Variants in CACNA2D2 observed in about 807,000 individuals in gnomAD.
The protein encoded by CACNA2D2 is calcium voltage-gated channel auxiliary subunit alpha2delta 2, also known as voltage-dependent calcium channel subunit alpha-2/delta-2.
A neutral mutation model predicts 166.4 loss-of-function variants in CACNA2D2; 48 were observed. That is an observed-to-expected ratio of 0.29 (90% confidence interval 0.23 to 0.37). The LOEUF (loss-of-function observed/expected upper bound fraction) is 0.37. CACNA2D2 is among the 10% of genes least tolerant of loss of function. The probability of loss-of-function intolerance (pLI) is 1.00; values close to 1 mark genes in which losing one functional copy is unlikely to be tolerated. For synonymous variants in CACNA2D2, 561 were observed against 573.7 expected (o/e 0.98, Z 0.32); for missense variants, 1,122 against 1,433.0 (o/e 0.78, Z 3.50).
At chr3:50,430,663 G>A (rs1426252240) in intron 3 of CACNA2D2, among the ~76,000 whole-genome samples, 1 of 152,146 alleles carries the variant, frequency 6.6e-6, no homozygotes, top group Non-Finnish European at 1.5e-5. Context: ...TGAGGGGGTG[G>A]TCTTCCTGAG....
At chr3:50,440,423 C>A (rs1708534030) in intron 2 of CACNA2D2, among the ~76,000 whole-genome samples, 3 of 152,276 alleles carry the variant, frequency 2.0e-5, no homozygotes, top group East Asian at 1.9e-4. Flanking sequence ...TGCCACCATC[C>A]CAGGCGGGGT....
rs1047911489 is a variant in CACNA2D2 at position 50,363,073 on chromosome 3, G to A, written c.*1593C>T. ...CCAGCTGGGGGTTAGACAGCTACCT[G>A]ATGGGGATTGTTTTGTCTGTTTTTC... On this transcript the variant is annotated 3_prime_UTR_variant, in exon 38 of 38. Transcript: ENST00000424201. The A allele has an allele frequency of 5.0e-6, 2 of 398,644 alleles. No individual in the cohort carries two copies. The highest frequency in any genetic ancestry group is 8.8e-6 in the Non-Finnish European group (2 of 226,052). The allele number at this position is 398,644 out of a possible 1,614,324, so 24.7% of individuals were successfully genotyped here.
At position 50,365,052 on chromosome 3, in the gene CACNA2D2, C is replaced by A; in HGVS notation, c.3208+23G>T. ...CGCGGGGCAGAGGGGGAGCGGGCGG[C>A]GGGGAGGGCGGGGGCAGGATACAGT... On this transcript the variant is annotated intron_variant, in intron 36 of 37. Coordinates refer to ENST00000424201, the MANE Select transcript of CACNA2D2 (RefSeq NM_006030.4). The surrounding 1 kb of genome is among the most constrained non-coding windows in gnomAD (Gnocchi z 4.5). 1.0e-6 allele frequency: 1 copy of A among 1,001,776 alleles called. No homozygotes were observed. Among genetic ancestry groups the A allele is most frequent in the Non-Finnish European group, 1.4e-6 (1 of 713,836 alleles). 62.1% of individuals were successfully genotyped at this position (1,001,776 alleles called of 1,614,324 possible). A position where few individuals can be genotyped will look rare whatever the true frequency, so the allele number is the denominator to read the frequency against.
chr3:50,389,116 C>T (rs767453534), intron 4 of CACNA2D2, among the ~76,000 whole-genome samples: 3 of 152,232 alleles, frequency 2.0e-5, no homozygotes, highest in Non-Finnish European at 2.9e-5. Context: ...ACACCCACCA[C>T]CCACCCACCA....
chr3:50,417,391 C>A (rs887596275), intron 3 of CACNA2D2, among the ~76,000 whole-genome samples: 1 of 152,238 alleles, frequency 6.6e-6, no homozygotes, highest in Non-Finnish European at 1.5e-5. Context: ...GCAGGCCCTG[C>A]AACCCTTGCT....
In CACNA2D2 at chr3:50,364,347, C is replaced by T. The variant is rs1267557997; in HGVS notation, c.*319G>A. The T allele has an allele frequency of 2.9e-6, 1 of 350,264 alleles. No homozygotes were observed. The highest frequency in any genetic ancestry group is 5.2e-6 in the Non-Finnish European group (1 of 193,322). 21.7% of individuals were successfully genotyped at this position (350,264 alleles called of 1,614,324 possible). On this transcript the variant is annotated 3_prime_UTR_variant, in exon 38 of 38. Transcript: ENST00000424201. ...CAACATAGGCAGCCTCCAGGAAGGG[C>T]GGCAGCAGAGGCCTGGTTTTGGCAC...
At chr3:50,372,198 A>G (rs587605044) in intron 22 of CACNA2D2, among the ~76,000 whole-genome samples, 1 of 152,298 alleles carries the variant, frequency 6.6e-6, no homozygotes, top group South Asian at 2.1e-4. Context: ...TCCTTGGCTT[A>G]GGCACCCCAG....
chr3:50,471,086 G>A lies in CACNA2D2; in HGVS notation c.288+5032C>T, dbSNP rs1048316860. ...TCCCCACTGCCCCCCACCCTGATGCGCCCCACATCCCCATCATCTACACCA... is the reference window on the plus strand; with the variant it reads ...TCCCCACTGCCCCCCACCCTGATGCACCCCACATCCCCATCATCTACACCA... On this transcript the variant is annotated intron_variant, in intron 2 of 37. Transcript: ENST00000424201. 3.3e-5 allele frequency among the ~76,000 whole-genome samples: 5 copies of A among 151,410 alleles called. No individual in the cohort carries two copies. In the South Asian group the frequency reaches 6.3e-4, roughly 19 times the overall value.
intron 3 of CACNA2D2, among the ~76,000 whole-genome samples, chr3:50,416,984 G>T (rs1288884039): frequency 6.6e-6 from 1 of 152,210 alleles, no homozygotes; most frequent in African/African-American, 2.4e-5. Context: ...TTCCACATGG[G>T]GACATGGGCT....
intron 2 of CACNA2D2, among the ~76,000 whole-genome samples, chr3:50,471,977 C>T (rs1374002458): frequency 6.6e-6 from 1 of 152,192 alleles, no homozygotes; most frequent in East Asian, 1.9e-4. Context: ...ATCTGAATCA[C>T]CATGACTGTC....
At chr3:50,459,591 CA>C (rs1310055514) in intron 2 of CACNA2D2, among the ~76,000 whole-genome samples, 1 of 152,196 alleles carries the variant, frequency 6.6e-6, no homozygotes, top group Non-Finnish European at 1.5e-5. Flanking sequence ...AACTGTCCCC[CA>C]GCAGGGCCCT....
In CACNA2D2 at chr3:50,380,089, A is replaced by C. The variant is rs1003177206; in HGVS notation, c.843-71T>G. On this transcript the variant is annotated intron_variant, in intron 8 of 37. Transcript: ENST00000424201. This position sits in a 1 kb window ranked among gnomAD's most constrained non-coding sequence, Gnocchi z 4.9. ...GTGGGTCCTTCCTTCCTTCACATACATATTGATTCAATACATTTCTCTTGA... is the reference window on the plus strand; with the variant it reads ...GTGGGTCCTTCCTTCCTTCACATACCTATTGATTCAATACATTTCTCTTGA... 1 of 1,465,380 alleles carries C rather than the reference A, an allele frequency of 6.8e-7. No homozygotes were observed. Among genetic ancestry groups the C allele is most frequent in the African/African-American group, 1.4e-5 (1 of 72,132 alleles). 90.8% of individuals were successfully genotyped at this position (1,465,380 alleles called of 1,614,324 possible).
chr3:50,402,715 T>G (rs1007716690), intron 3 of CACNA2D2, among the ~76,000 whole-genome samples: 1 of 152,204 alleles, frequency 6.6e-6, no homozygotes, highest in African/African-American at 2.4e-5. Context: ...AGCATGAAAC[T>G]TACCCATTTC....
intron 6 of CACNA2D2, among the ~76,000 whole-genome samples, chr3:50,381,942 G>A (rs1261745570): frequency 6.7e-6 from 1 of 149,062 alleles, no homozygotes; most frequent in Non-Finnish European, 1.5e-5. Flanking sequence ...CCCAACCCTT[G>A]TAGTTGCACG....
In CACNA2D2 at chr3:50,364,211, G is replaced by A; in HGVS notation, c.*455C>T. The A allele has an allele frequency of 5.8e-6, 1 of 171,730 alleles. No individual in the cohort carries two copies. The highest frequency in any genetic ancestry group is 6.0e-5 in the Admixed American group (1 of 16,766). 10.6% of individuals were successfully genotyped at this position (171,730 alleles called of 1,614,324 possible). A position where few individuals can be genotyped will look rare whatever the true frequency, so the allele number is the denominator to read the frequency against. On this transcript the variant is annotated 3_prime_UTR_variant, in exon 38 of 38. Coordinates refer to ENST00000424201, the MANE Select transcript of CACNA2D2 (RefSeq NM_006030.4). ...TCTCTCCTGCTAGGATTTAAGCTGG[G>A]AGGCACAGGCTTCAAACTGGCCATC...
chr3:50,379,170 C>CT lies in CACNA2D2; in HGVS notation c.1181dup (p.Met395AspfsTer10). ...CACCATCCGTGAACATCATGATCAT[C>CT]TTGTTGCAGTTGGCCCGAGTGATGT... On this transcript the variant is annotated frameshift_variant, in exon 12 of 38. Coordinates refer to ENST00000424201, the MANE Select transcript of CACNA2D2 (RefSeq NM_006030.4). LOFTEE classifies it high-confidence loss of function. The surrounding 1 kb of genome is among the most constrained non-coding windows in gnomAD (Gnocchi z 6.5). 1 of 1,613,998 alleles carries CT rather than the reference C, an allele frequency of 6.2e-7. No homozygotes were observed. The highest frequency in any genetic ancestry group is 8.5e-7 in the Non-Finnish European group (1 of 1,179,966).
At chr3:50,474,046 G>A (rs1305762273) in intron 2 of CACNA2D2, among the ~76,000 whole-genome samples, 4 of 152,196 alleles carry the variant, frequency 2.6e-5, no homozygotes, top group East Asian at 3.9e-4. Flanking sequence ...ACTGCCCCAG[G>A]CTCATCTTGT....
At chr3:50,371,346 A>G (rs1015208003) in intron 22 of CACNA2D2, among the ~76,000 whole-genome samples, 48 of 148,496 alleles carry the variant, frequency 3.2e-4, no homozygotes, top group African/African-American at 1.1e-3. Context: ...GTGAGCATGC[A>G]TGTGTGTGTG....
At position 50,365,012 on chromosome 3, in the gene CACNA2D2, G is replaced by C; in HGVS notation, c.3209-42C>G. The C allele has an allele frequency of 1.2e-6, 2 of 1,605,730 alleles. No individual in the cohort carries two copies. Among genetic ancestry groups the C allele is most frequent in the African/African-American group, 2.7e-5 (2 of 74,772 alleles). ...AGTCAAGGAGGCGGACGGCGGCGGC[G>C]GCACGGAGGGGGCGCGCGGGGCAGA... On this transcript the variant is annotated intron_variant, in intron 36 of 37. Coordinates refer to ENST00000424201, the MANE Select transcript of CACNA2D2 (RefSeq NM_006030.4). The surrounding 1 kb of genome is among the most constrained non-coding windows in gnomAD (Gnocchi z 4.5).
Sources: gnomAD v4.1 joint callset for allele counts (sites outside exome capture counted in the v4.1 genomes callset) on GRCh38, gnomAD v4.1.1 for gene constraint, Gnocchi (gnomAD v3.1) non-coding constraint, MANE v1.5 for transcripts, NCBI Gene and HGNC (gene_info 2026-07-23, HGNC 2026-07-21) for gene names.